Variants in LRP1B observed in about 807,000 individuals in gnomAD.
LRP1B encodes the protein low-density lipoprotein receptor-related protein 1B.
Under a neutral mutation model 556.6 loss-of-function variants are expected in LRP1B, and 217 were observed. That is an observed-to-expected ratio of 0.39 (90% CI 0.35 to 0.44). The LOEUF is 0.44. Ranked by LOEUF, LRP1B falls within the 20% of genes least tolerant of loss-of-function variation. The probability of loss-of-function intolerance (pLI) is 1.00; values close to 1 mark genes in which losing one functional copy is unlikely to be tolerated. For missense variants in LRP1B, 5,053 were observed against 5,620.8 expected (o/e 0.90, Z 3.23); for synonymous variants, 2,047 against 1,865.8 (o/e 1.10, Z -2.50).
intron 3 of LRP1B, among the ~76,000 whole-genome samples, chr2:141,419,886 A>T (rs1167078176): frequency 6.6e-6 from 1 of 151,814 alleles, no homozygotes; most frequent in Non-Finnish European, 1.5e-5. Flanking sequence ...TGCTTGTTAT[A>T]ATTTCAACCT....
chr2:140,532,523 A>C (rs1558948400), intron 47 of LRP1B, among the ~76,000 whole-genome samples: 1 of 151,932 alleles, frequency 6.6e-6, no homozygotes, highest in Non-Finnish European at 1.5e-5. Context: ...CAGCATCCCG[A>C]GTAGCTGGGA....
chr2:140,465,244 C>G (rs546139008), intron 60 of LRP1B, among the ~76,000 whole-genome samples: 1 of 152,218 alleles, frequency 6.6e-6, no homozygotes, highest in East Asian at 1.9e-4. Context: ...ACAGCACAAA[C>G]CATAAGGGAT....
chr2:140,843,349 T>G (rs1409309087), intron 29 of LRP1B, among the ~76,000 whole-genome samples: 1 of 152,042 alleles, frequency 6.6e-6, no homozygotes, highest in Non-Finnish European at 1.5e-5. Context: ...CTCTAAGCAA[T>G]TGATTTATTT....
intron 25 of LRP1B, among the ~76,000 whole-genome samples, chr2:140,873,445 T>TTATAAAC (rs939099243): frequency 3.9e-5 from 6 of 152,112 alleles, no homozygotes; most frequent in East Asian, 3.8e-4. Flanking sequence ...CAAAGCTAAA[T>TTATAAAC]TATAAACTAT....
At chr2:140,742,255 C>G (rs987143753) in intron 35 of LRP1B, among the ~76,000 whole-genome samples, 22 of 152,066 alleles carry the variant, frequency 1.4e-4, no homozygotes, top group Admixed American at 1.2e-3. Flanking sequence ...AACTGAGTGT[C>G]GAAAGGGATT....
At chr2:141,776,800 A>G (rs1288177318) in intron 2 of LRP1B, among the ~76,000 whole-genome samples, 1 of 152,252 alleles carries the variant, frequency 6.6e-6, no homozygotes, top group Admixed American at 6.5e-5. Context: ...TATATGAAAT[A>G]TCTGGAGAAC....
chr2:140,236,801 C>T (rs1445216804), intron 89 of LRP1B, among the ~76,000 whole-genome samples: 1 of 150,862 alleles, frequency 6.6e-6, no homozygotes, highest in Admixed American at 6.6e-5. Flanking sequence ...GTACTGTACT[C>T]TTTTATATTT....
chr2:140,543,766 T>TA (rs977074307), intron 43 of LRP1B, among the ~76,000 whole-genome samples: 6 of 151,994 alleles, frequency 3.9e-5, no homozygotes, highest in Admixed American at 6.6e-5. Flanking sequence ...ATCTTCTACA[T>TA]AAAAAAACAT....
At chr2:142,026,454 C>G (rs1703505504) in intron 1 of LRP1B, among the ~76,000 whole-genome samples, 1 of 152,042 alleles carries the variant, frequency 6.6e-6, no homozygotes, top group Non-Finnish European at 1.5e-5. Context: ...TAAATAACAC[C>G]TTAGAGCTTT....
chr2:142,049,971 G>A (rs150589904), intron 1 of LRP1B, among the ~76,000 whole-genome samples: 32 of 152,194 alleles, frequency 2.1e-4, no homozygotes, highest in African/African-American at 6.7e-4. Context: ...CTTTATGACC[G>A]AGGAAATCAG....
intron 35 of LRP1B, among the ~76,000 whole-genome samples, chr2:140,750,345 T>C (rs1444413308): frequency 6.6e-6 from 1 of 152,174 alleles, no homozygotes; most frequent in African/African-American, 2.4e-5. Flanking sequence ...AATCTGACTA[T>C]AAACAAATGT....
chr2:141,294,207 C>G (rs577262001), intron 3 of LRP1B, among the ~76,000 whole-genome samples: 1 of 152,058 alleles, frequency 6.6e-6, no homozygotes, highest in East Asian at 1.9e-4. Flanking sequence ...GCTTTTATGA[C>G]TAGAAATTCA....
chr2:140,325,931 C>CA, intron 79 of LRP1B, 53 bp from the exon 80 acceptor site: 2 of 1,118,252 alleles, frequency 1.8e-6, no homozygotes, highest in Non-Finnish European at 2.7e-6. Flanking sequence ...TGAAATCATT[C>CA]AAAATCATAC....
At chr2:141,266,320 T>C (rs1382631783) in intron 3 of LRP1B, among the ~76,000 whole-genome samples, 3 of 141,030 alleles carry the variant, frequency 2.1e-5, no homozygotes, top group Non-Finnish European at 4.7e-5. Flanking sequence ...CGAGACTCTG[T>C]TTCAAAAAAA....
intron 1 of LRP1B, among the ~76,000 whole-genome samples, chr2:141,881,738 C>T (rs1043485514): frequency 6.6e-6 from 1 of 151,872 alleles, no homozygotes; most frequent in Non-Finnish European, 1.5e-5. Flanking sequence ...GTAGGTCCTA[C>T]AAAAAATATA....
intron 84 of LRP1B, among the ~76,000 whole-genome samples, chr2:140,287,767 A>C (rs1683208868): frequency 6.6e-6 from 1 of 151,692 alleles, no homozygotes; most frequent in African/African-American, 2.4e-5. Context: ...GATTCTGTGA[A>C]GCAACCCCTG....
chr2:141,762,057 G>A (rs1001928939), intron 2 of LRP1B, among the ~76,000 whole-genome samples: 40 of 151,248 alleles, frequency 2.6e-4, no homozygotes, highest in African/African-American at 9.4e-4. Flanking sequence ...TAATCAAGGT[G>A]TTTTCTTTAT....
intron 2 of LRP1B, among the ~76,000 whole-genome samples, chr2:141,573,368 CA>C (rs1686605148): frequency 6.6e-6 from 1 of 151,940 alleles, no homozygotes; most frequent in Non-Finnish European, 1.5e-5. Flanking sequence ...GAAATTAAGG[CA>C]AAAATCAAGA....
At chr2:141,080,260 G>T (rs1699891521) in intron 7 of LRP1B, among the ~76,000 whole-genome samples, 1 of 152,108 alleles carries the variant, frequency 6.6e-6, no homozygotes, top group South Asian at 2.1e-4. Flanking sequence ...TGATTTGTTT[G>T]CTCATGCTTT....
Sources: gnomAD v4.1 joint callset for allele counts (sites outside exome capture counted in the v4.1 genomes callset) on GRCh38, gnomAD v4.1.1 for gene constraint, MANE v1.5 for transcripts, NCBI Gene and HGNC (gene_info 2026-07-23, HGNC 2026-07-21) for gene names.